TNR: variants seen among roughly 807,000 people sequenced by gnomAD.
TNR encodes tenascin R.
A neutral mutation model predicts 150.4 loss-of-function variants in TNR; 45 were observed. That is an observed-to-expected ratio of 0.30 (90% CI 0.24 to 0.38). TNR has a LOEUF of 0.38. Among genes scored for constraint, TNR ranks in the 10% least tolerant of loss-of-function variants. TNR has a pLI of 1.00. For synonymous variants in TNR, 687 were observed against 678.4 expected (o/e 1.01, Z -0.20); for missense variants, 1,544 against 1,759.1 (o/e 0.88, Z 2.19).
chr1:175,596,359 A>G (rs577799063), intron 1 of TNR, among the ~76,000 whole-genome samples: 1 of 152,238 alleles, frequency 6.6e-6, no homozygotes, highest in South Asian at 2.1e-4. Context: ...CCAGTTCGCA[A>G]CATGGTGACC....
chr1:175,612,153 G>A (rs2101856078), intron 1 of TNR, among the ~76,000 whole-genome samples: 1 of 152,220 alleles, frequency 6.6e-6, no homozygotes, highest in African/African-American at 2.4e-5. Context: ...GGGGAGCACT[G>A]GCCTGGATTC....
At chr1:175,458,376 A>G (rs1037036737) in intron 2 of TNR, among the ~76,000 whole-genome samples, 13 of 152,244 alleles carry the variant, frequency 8.5e-5, no homozygotes, top group African/African-American at 3.1e-4. Flanking sequence ...ATGGGATTTA[A>G]GAAGGACAAG....
intron 1 of TNR, among the ~76,000 whole-genome samples, chr1:175,706,633 C>A (rs188171250): frequency 2.0e-4 from 31 of 152,208 alleles, no homozygotes; most frequent in Admixed American, 5.9e-4. Context: ...CCGAGGGAAC[C>A]ACCTTCTGAT....
At chr1:175,625,211 T>G (rs569400812) in intron 1 of TNR, among the ~76,000 whole-genome samples, 1 of 152,376 alleles carries the variant, frequency 6.6e-6, no homozygotes, top group Admixed American at 6.5e-5. Context: ...TTCCTTTCTT[T>G]TCAAATAACC....
intron 2 of TNR, among the ~76,000 whole-genome samples, chr1:175,418,970 C>T (rs1468494248): frequency 1.3e-5 from 2 of 152,160 alleles, no homozygotes; most frequent in Admixed American, 6.5e-5. Flanking sequence ...TCTGCAGTTG[C>T]AATTGGCCCC....
chr1:175,391,221 C>T, intron 7 of TNR, 67 bp downstream of exon 7: 1 of 1,573,744 alleles, frequency 6.4e-7, no homozygotes, highest in Middle Eastern at 2.3e-4. Context: ...ACTCCTTGGG[C>T]AATTCTGTGG....
At position 175,354,437 on chromosome 1, in the gene TNR, T is replaced by C. The variant is rs140749376; in HGVS notation, c.3336A>G (p.Ala1112=). The C allele has an allele frequency of 1.2e-6, 2 of 1,614,050 alleles. No individual in the cohort carries two copies. The highest frequency in any genetic ancestry group is 1.7e-6 in the Non-Finnish European group (2 of 1,180,002). The change falls in exon 18 of 23, where the codon GCA becomes GCG. Residue 1112 remains alanine, a synonymous_variant. Transcript: ENST00000367674. Reference sequence around the variant, plus strand: ...TGATGCTGCTCCACGTGGTGTCCTGTGCTGCCTGCAGGAGCACCGTGTAGT... The same window carrying C: ...TGATGCTGCTCCACGTGGTGTCCTGCGCTGCCTGCAGGAGCACCGTGTAGT... ...NTDYTVLLQA[A]QDTTWSSITS... is the part of the protein sequence containing the mutation.
intron 2 of TNR, among the ~76,000 whole-genome samples, chr1:175,487,001 T>G (rs1045252863): frequency 1.3e-5 from 2 of 152,250 alleles, no homozygotes; most frequent in Non-Finnish European, 2.9e-5. Context: ...TTGTTTAAGT[T>G]CTTTGTAGAT....
intron 18 of TNR, among the ~76,000 whole-genome samples, chr1:175,347,727 G>T (rs892387616): frequency 6.7e-6 from 1 of 148,912 alleles, no homozygotes; most frequent in African/African-American, 2.5e-5. Flanking sequence ...GGCCTAAATA[G>T]TTTTTTTTTT....
chr1:175,732,510 G>C (rs1312545968), intron 1 of TNR, among the ~76,000 whole-genome samples: 3 of 152,246 alleles, frequency 2.0e-5, no homozygotes, highest in African/African-American at 7.2e-5. Flanking sequence ...CCCCAAGGAA[G>C]GGGGTAGGAC....
In TNR at chr1:175,441,478, T is replaced by C. The variant is rs1432269591; in HGVS notation, c.-63-34701A>G. On this transcript the variant is annotated intron_variant, in intron 2 of 22. Transcript: ENST00000367674. ...TACCAACTTAAATATTTGTTAATAA[T>C]ACCAGGTACTATATATATATTAAAG... is the stretch of plus-strand genomic sequence containing the variant. Among the ~76,000 whole-genome samples the C allele has an allele frequency of 2.0e-5, 3 of 152,222 alleles. No individual in the cohort carries two copies. The South Asian group carries it at 6.2e-4, about 32-fold the overall frequency.
rs1425300094 is a variant in TNR, at chr1:175,367,317, C to G, written c.1964-20G>C. ...CCAGATCTATCAGTGGATGGAGAAA[C>G]AAACATTATTCTGTGTATGGGGCAG... On this transcript the variant is annotated intron_variant, in intron 9 of 22. Transcript: ENST00000367674. 6.2e-7 allele frequency: 1 copy of G among 1,608,114 alleles called. No individual in the cohort carries two copies. Among genetic ancestry groups the G allele is most frequent in the Non-Finnish European group, 8.5e-7 (1 of 1,174,592 alleles).
intron 1 of TNR, among the ~76,000 whole-genome samples, chr1:175,651,768 G>A (rs865795232): frequency 6.6e-6 from 1 of 151,640 alleles, no homozygotes. Context: ...AGTGCAAGAA[G>A]AACAAAAATT....
chr1:175,653,234 G>T (rs568635541), intron 1 of TNR, among the ~76,000 whole-genome samples: 3 of 152,230 alleles, frequency 2.0e-5, no homozygotes, highest in African/African-American at 7.2e-5. Context: ...GCAGCTGGAA[G>T]TTGGAGTCAA....
At chr1:175,326,996 T>TC (rs561328862) in intron 21 of TNR, among the ~76,000 whole-genome samples, 8 of 152,126 alleles carry the variant, frequency 5.3e-5, no homozygotes, top group African/African-American at 1.9e-4. Context: ...TTTCACCTCC[T>TC]CTCACCTTAA....
In TNR at chr1:175,368,989, CA is replaced by C. The variant is rs541645059; in HGVS notation, c.1964-1693del. Among the ~76,000 whole-genome samples the C allele has an allele frequency of 5.7e-4, 87 of 152,050 alleles. 1 individual carries two copies. The highest frequency in any genetic ancestry group is 2.0e-3 in the African/African-American group (84 of 41,498). ...AACAAACAAGTAAACAAAAACAAAA[CA>C]AAAAAACCCAACAAAATCAAGTGAT... On this transcript the variant is annotated intron_variant, in intron 9 of 22. Coordinates refer to ENST00000367674, the MANE Select transcript of TNR (RefSeq NM_003285.3).
intron 1 of TNR, among the ~76,000 whole-genome samples, chr1:175,573,412 G>A (rs1256933658): frequency 6.6e-6 from 1 of 152,166 alleles, no homozygotes; most frequent in African/African-American, 2.4e-5. Flanking sequence ...GAGTAATAAA[G>A]ATCCTGGCTG....
In TNR at chr1:175,693,817, G is replaced by A. The variant is rs144344233; in HGVS notation, c.-165+49409C>T. ...CAGCCTCCTTGCATGTGTCCAGCACGAGGGATGATGAGCAATAACTTTCTG... is the reference window on the plus strand; with the variant it reads ...CAGCCTCCTTGCATGTGTCCAGCACAAGGGATGATGAGCAATAACTTTCTG... On this transcript the variant is annotated intron_variant, in intron 1 of 22. Coordinates refer to ENST00000367674, the MANE Select transcript of TNR (RefSeq NM_003285.3). Among the ~76,000 whole-genome samples, 198 of 152,350 alleles carry A rather than the reference G, an allele frequency of 1.3e-3. 1 individual carries two copies. Among genetic ancestry groups the A allele is most frequent in the African/African-American group, 4.4e-3 (183 of 41,576 alleles).
chr1:175,587,678 A>T (rs1292650120), intron 1 of TNR, among the ~76,000 whole-genome samples: 1 of 152,260 alleles, frequency 6.6e-6, no homozygotes, highest in Non-Finnish European at 1.5e-5. Context: ...TTAAAAAAAA[A>T]TCAGAGCCTA....
Sources: allele counts gnomAD v4.1 joint callset (sites outside exome capture counted in the v4.1 genomes callset), GRCh38; gene constraint gnomAD v4.1.1; transcripts MANE v1.5; gene names NCBI Gene and HGNC (gene_info 2026-07-23, HGNC 2026-07-21).